RFLNA: variants seen among roughly 807,000 people sequenced by gnomAD.
RFLNA encodes the protein refilin A.
Under a neutral mutation model 7.8 loss-of-function variants are expected in RFLNA, and 5 were observed. The observed-to-expected ratio is 0.64, with a 90% CI of 0.34 to 1.35. The LOEUF (loss-of-function observed/expected upper bound fraction) is 1.35, where lower values mean the gene tolerates loss of function less well. Among genes scored for constraint, RFLNA ranks in the 40% most tolerant of loss-of-function variants. RFLNA has a pLI of 0.04. For synonymous variants in RFLNA, 141 were observed against 131.3 expected (o/e 1.07, Z -0.50); for missense variants, 278 against 305.5 (o/e 0.91, Z 0.67).
In RFLNA at chr12:124,314,188, C is replaced by T; in HGVS notation, c.318-4C>T. The T allele has an allele frequency of 6.2e-7, 1 of 1,608,274 alleles. No homozygotes were observed. The highest frequency in any genetic ancestry group is 8.5e-7 in the Non-Finnish European group (1 of 1,176,246). On this transcript the variant is annotated splice_region_variant and splice_polypyrimidine_tract_variant and intron_variant, in intron 2 of 2. Coordinates refer to ENST00000546355, the MANE Select transcript of RFLNA (RefSeq NM_001365156.1). ...TCACTCCGCTTCCCTCCTGCCCTTT[C>T]CAGCTGCAACTCTGAGGTCAAGTAC...
chr12:124,310,135 C>T (rs1277408887), intron 1 of RFLNA, among the ~76,000 whole-genome samples: 5 of 123,694 alleles, frequency 4.0e-5, no homozygotes, highest in Admixed American at 1.1e-4. Context: ...ATTGCACTAC[C>T]GTACTCTAGC....
At chr12:124,311,671 C>T in intron 1 of RFLNA, 147 bp from the exon 2 acceptor site, 3 of 694,240 alleles carry the variant, frequency 4.3e-6, no homozygotes, top group Non-Finnish European at 6.7e-6. Context: ...ATGGGCCCCA[C>T]AAAGCGGCTT....
rs770042771 is a variant in RFLNA, at chr12:124,314,477, G to A, written c.603G>A (p.Gln201=). 38 of 1,597,754 alleles carry A rather than the reference G, an allele frequency of 2.4e-5. No homozygotes were observed. The highest frequency in any genetic ancestry group is 1.0e-4 in the Admixed American group (6 of 59,796). The part of the protein sequence containing the change: ...SRWFTASVQL[Q]LCQDPAPSLL... ...GGTTCACCGCCAGCGTGCAGCTGCAGCTTTGCCAGGACCCTGCCCCCAGCC... is the reference window on the plus strand; with the variant it reads ...GGTTCACCGCCAGCGTGCAGCTGCAACTTTGCCAGGACCCTGCCCCCAGCC... Residue 201 remains glutamine, a synonymous_variant, in exon 3 of 3, where the codon CAG becomes CAA. Transcript: ENST00000546355.
At chr12:124,297,701 T>A (rs78788977) in intron 1 of RFLNA, among the ~76,000 whole-genome samples, 1 of 148,440 alleles carries the variant, frequency 6.7e-6, no homozygotes, top group Admixed American at 6.7e-5. Context: ...ATTTTTTTTT[T>A]ATTGGAAAAC....
chr12:124,295,519 GC>G lies in RFLNA; in HGVS notation c.96del (p.Ser33AlafsTer50), dbSNP rs2033891606. On this transcript the variant is annotated frameshift_variant, in exon 1 of 3. Coordinates refer to ENST00000546355, the MANE Select transcript of RFLNA (RefSeq NM_001365156.1). LOFTEE classifies it high-confidence loss of function. ...TGCTGGACAGCCCCGACTCCGGGCT[GC>G]CCCCCAGCCCCAGCCCCAGCCCGCC... ...GLLDSPDSGL[P>X]PSPSPSPPFY... 9 of 1,269,382 alleles carry G rather than the reference GC, an allele frequency of 7.1e-6. No individual in the cohort carries two copies. The South Asian group carries it at 8.6e-5, about 12-fold the overall frequency. 78.6% of individuals were successfully genotyped at this position (1,269,382 alleles called of 1,614,324 possible).
At chr12:124,300,650 C>T (rs962346333) in intron 1 of RFLNA, among the ~76,000 whole-genome samples, 5 of 81,196 alleles carry the variant, frequency 6.2e-5, no homozygotes, top group Non-Finnish European at 1.0e-4. Context: ...ATGGATGGAT[C>T]GATGGGCAAA....
chr12:124,296,086 T>TC (rs891764149), intron 1 of RFLNA, among the ~76,000 whole-genome samples: 2 of 4,750 alleles, frequency 4.2e-4, no homozygotes, highest in Non-Finnish European at 1.3e-3. Flanking sequence ...CTTTCTTTCT[T>TC]TCTTTCTTTC....
At chr12:124,296,488 T>C (rs1172904590) in intron 1 of RFLNA, among the ~76,000 whole-genome samples, 3 of 152,098 alleles carry the variant, frequency 2.0e-5, no homozygotes, top group African/African-American at 4.8e-5. Context: ...TGCCCATCCC[T>C]GCCCGCTCTC....
upstream of RFLNA, among the ~76,000 whole-genome samples, chr12:124,291,763 A>T (rs746083940): frequency 4.6e-5 from 7 of 151,238 alleles, no homozygotes; most frequent in Non-Finnish European, 1.0e-4. Flanking sequence ...TTCCTCGCAG[A>T]GTTGAGCTTC....
intron 1 of RFLNA, among the ~76,000 whole-genome samples, chr12:124,300,720 GTGGATGGATGCA>G (rs879886463): frequency 0.02 from 2,351 of 116,094 alleles, 30 homozygotes; most frequent in Admixed American, 0.023. Context: ...GGGCAGAAGG[GTGGATGGATGCA>G]TGGATGGATG....
chr12:124,297,360 T>G (rs1413828004), intron 1 of RFLNA, among the ~76,000 whole-genome samples: 1 of 152,186 alleles, frequency 6.6e-6, no homozygotes, highest in East Asian at 1.9e-4. Flanking sequence ...ATCTTCTAAT[T>G]TGGCTTAAAA....
intron 1 of RFLNA, among the ~76,000 whole-genome samples, chr12:124,298,029 G>A (rs541068677): frequency 6.6e-6 from 1 of 152,368 alleles, no homozygotes; most frequent in African/African-American, 2.4e-5. Flanking sequence ...AACACCCGAG[G>A]AAGAGGATGG....
intron 1 of RFLNA, among the ~76,000 whole-genome samples, chr12:124,298,005 G>A (rs1235313995): frequency 4.6e-5 from 7 of 152,254 alleles, no homozygotes; most frequent in African/African-American, 1.7e-4. Context: ...TGCGCCTCGC[G>A]GCTGAGGGTT....
chr12:124,300,227 C>T (rs184872695), intron 1 of RFLNA, among the ~76,000 whole-genome samples: 23 of 152,356 alleles, frequency 1.5e-4, no homozygotes, highest in Non-Finnish European at 2.8e-4. Flanking sequence ...AGCTGGTGGC[C>T]TGGGCTCTGT....
upstream of RFLNA, among the ~76,000 whole-genome samples, chr12:124,290,374 T>G (rs1274223453): frequency 2.6e-5 from 4 of 151,782 alleles, no homozygotes; most frequent in African/African-American, 9.7e-5. The surrounding 1 kb of genome is among the most constrained non-coding windows in gnomAD (Gnocchi z 4.0). Flanking sequence ...ATTTGTGTGT[T>G]TGTGTATATG....
chr12:124,290,979 G>A (rs1468539516), upstream of RFLNA, among the ~76,000 whole-genome samples: 1 of 152,160 alleles, frequency 6.6e-6, no homozygotes, highest in East Asian at 1.9e-4. This position sits in a 1 kb window ranked among gnomAD's most constrained non-coding sequence, Gnocchi z 4.0. Context: ...TCCTTGGAAG[G>A]CGAGCGGCCT....
At chr12:124,303,417 G>A (rs929225698) in intron 1 of RFLNA, among the ~76,000 whole-genome samples, 2 of 152,180 alleles carry the variant, frequency 1.3e-5, no homozygotes, top group African/African-American at 2.4e-5. Context: ...TCCAGGGCCC[G>A]TCCTGCCCCC....
In RFLNA at chr12:124,306,292, C is replaced by T. The variant is rs1169330785; in HGVS notation, c.208-5526C>T. ...CCAGTAGATGGGTGCTCCCGTGTCC[C>T]CACAGAGGATGCCCCTAAGACTTGG... On this transcript the variant is annotated intron_variant, in intron 1 of 2. Coordinates refer to ENST00000546355, the MANE Select transcript of RFLNA (RefSeq NM_001365156.1). The surrounding 1 kb of genome is among the most constrained non-coding windows in gnomAD (Gnocchi z 5.2). Among the ~76,000 whole-genome samples the T allele has an allele frequency of 2.0e-5, 3 of 152,152 alleles. No individual in the cohort carries two copies. Among genetic ancestry groups the T allele is most frequent in the African/African-American group, 7.2e-5 (3 of 41,426 alleles).
At chr12:124,290,350 ATGTGTATG>A (rs2033801484), upstream of RFLNA, among the ~76,000 whole-genome samples, 1 of 150,460 alleles carries the variant, frequency 6.6e-6, no homozygotes, top group Admixed American at 6.7e-5. This position sits in a 1 kb window ranked among gnomAD's most constrained non-coding sequence, Gnocchi z 4.0. Flanking sequence ...GTGTGTGCAT[ATGTGTATG>A]TGTGTATTTG....
Sources: gnomAD v4.1 joint callset for allele counts (sites outside exome capture counted in the v4.1 genomes callset) on GRCh38, gnomAD v4.1.1 for gene constraint, Gnocchi (gnomAD v3.1) non-coding constraint, MANE v1.5 for transcripts, NCBI Gene and HGNC (gene_info 2026-07-23, HGNC 2026-07-21) for gene names.